The following MAGI2 variants were observed in gnomAD, a reference collection of about 807,000 sequenced individuals.
MAGI2 encodes membrane-associated guanylate kinase, WW and PDZ domain-containing protein 2.
A neutral mutation model predicts 133.3 loss-of-function variants in MAGI2; 35 were observed. That is an observed-to-expected ratio of 0.26 (90% confidence interval 0.20 to 0.35). The LOEUF (loss-of-function observed/expected upper bound fraction) is 0.35. Ranked by LOEUF, MAGI2 falls within the 10% of genes least tolerant of loss-of-function variation. The pLI, the probability that MAGI2 is intolerant of heterozygous loss-of-function variation, is 1.00. For synonymous variants in MAGI2, 729 were observed against 710.6 expected (o/e 1.03, Z -0.41); for missense variants, 1,636 against 1,863.4 (o/e 0.88, Z 2.25).
At chr7:78,668,393 T>A (rs1813901536) in intron 2 of MAGI2, among the ~76,000 whole-genome samples, 1 of 151,076 alleles carries the variant, frequency 6.6e-6, no homozygotes, top group South Asian at 2.1e-4. Flanking sequence ...AGCTCTTTAG[T>A]TTAATTAGAT....
chr7:78,553,242 C>T (rs1438337692), intron 3 of MAGI2, among the ~76,000 whole-genome samples: 1 of 152,120 alleles, frequency 6.6e-6, no homozygotes, highest in African/African-American at 2.4e-5. Flanking sequence ...ACTTTGACTA[C>T]ATAAGCATTT....
intron 21 of MAGI2, among the ~76,000 whole-genome samples, chr7:78,042,605 G>C (rs1810974755): frequency 1.3e-5 from 2 of 152,222 alleles, no homozygotes; most frequent in Non-Finnish European, 2.9e-5. Context: ...TTTCTTATTA[G>C]CAAAATGTGA....
At chr7:79,004,764 A>T (rs930930422) in intron 2 of MAGI2, among the ~76,000 whole-genome samples, 1 of 152,192 alleles carries the variant, frequency 6.6e-6, no homozygotes, top group Non-Finnish European at 1.5e-5. Flanking sequence ...AAAAAGATAC[A>T]GGAAGAAAAA....
chr7:78,836,054 T>C (rs140867246), intron 2 of MAGI2, among the ~76,000 whole-genome samples: 1 of 152,324 alleles, frequency 6.6e-6, no homozygotes, highest in East Asian at 1.9e-4. Flanking sequence ...GGTATTCCCG[T>C]AGAATTTTCT....
intron 2 of MAGI2, among the ~76,000 whole-genome samples, chr7:78,671,140 G>T (rs1473852163): frequency 1.3e-5 from 2 of 152,088 alleles, no homozygotes; most frequent in Non-Finnish European, 1.5e-5. Flanking sequence ...TACTTAATTT[G>T]CTTTCTGTTA....
At position 78,019,467 on chromosome 7, in the gene MAGI2, C is replaced by T. The variant is rs952272424; in HGVS notation, c.4216G>A (p.Ala1406Thr). 82 of 980,904 alleles carry T rather than the reference C, an allele frequency of 8.4e-5. No individual in the cohort carries two copies. In the African/African-American group the frequency reaches 1.3e-3, roughly 15 times the overall value. 60.8% of individuals were successfully genotyped at this position (980,904 alleles called of 1,614,324 possible). Reference sequence around the variant, plus strand: ...GGCCGGGGACCCGCGCGCGCACCCGCCCTGCCCTCGGCCTCCAGCGCGCCG... The same window carrying T: ...GGCCGGGGACCCGCGCGCGCACCCGTCCTGCCCTCGGCCTCCAGCGCGCCG... ...GSGALEAEGR[A>T]GARAGPRPGP... Residue 1406 changes from alanine (A) to threonine (T), a missense_variant, in exon 22 of 22, where the codon GCG becomes ACG. Around this residue, in one of 5 missense-constraint regions of MAGI2, gnomAD observed 354 missense variants for 298.7 expected, o/e 1.19. Transcript: ENST00000354212.
At chr7:78,255,424 T>A (rs1792867626) in intron 10 of MAGI2, 1 of 197,546 alleles carries the variant, frequency 5.1e-6, no homozygotes, top group South Asian at 1.0e-4. Flanking sequence ...TGAAAAGATT[T>A]TTCTACAGCA....
intron 16 of MAGI2, among the ~76,000 whole-genome samples, chr7:78,154,518 T>C (rs905911981): frequency 2.0e-5 from 3 of 152,190 alleles, no homozygotes; most frequent in East Asian, 1.9e-4. Flanking sequence ...ACTGTTTAGA[T>C]TGATGCTATG....
At chr7:79,249,972 C>T (rs1387294550) in intron 1 of MAGI2, among the ~76,000 whole-genome samples, 1 of 151,940 alleles carries the variant, frequency 6.6e-6, no homozygotes, top group Non-Finnish European at 1.5e-5. Context: ...CAGATTTATC[C>T]CTTGGAAGCA....
At chr7:79,136,028 GGAAAGAAAGAAA>G (rs761493818) in intron 1 of MAGI2, among the ~76,000 whole-genome samples, 2 of 51,664 alleles carry the variant, frequency 3.9e-5, no homozygotes, top group East Asian at 6.1e-4. Context: ...AAAGAAAGAA[GGAAAGAAAGAAA>G]GAAAGAAGGA....
At chr7:78,239,101 TTCCC>T (rs1790863018) in intron 10 of MAGI2, among the ~76,000 whole-genome samples, 1 of 152,122 alleles carries the variant, frequency 6.6e-6, no homozygotes, top group South Asian at 2.1e-4. Context: ...ACAGATGTCT[TTCCC>T]TGGCCACTCT....
At chr7:78,380,046 A>G (rs1267679465) in intron 6 of MAGI2, among the ~76,000 whole-genome samples, 1 of 151,928 alleles carries the variant, frequency 6.6e-6, no homozygotes, top group Non-Finnish European at 1.5e-5. Flanking sequence ...ACCAGAAGAA[A>G]TTTTATAATA....
chr7:79,417,762 A>AT (rs1846639237), intron 1 of MAGI2, among the ~76,000 whole-genome samples: 1 of 151,960 alleles, frequency 6.6e-6, no homozygotes, highest in African/African-American at 2.4e-5. Flanking sequence ...AAAAAAAAAA[A>AT]TAACTTACAG....
intron 1 of MAGI2, among the ~76,000 whole-genome samples, chr7:79,065,895 C>A (rs1814268032): frequency 6.6e-6 from 1 of 152,046 alleles, no homozygotes; most frequent in Non-Finnish European, 1.5e-5. Flanking sequence ...AGAACTCATC[C>A]TTTTTTATGG....
intron 1 of MAGI2, among the ~76,000 whole-genome samples, chr7:79,271,762 A>G (rs1284838130): frequency 6.6e-6 from 1 of 151,886 alleles, no homozygotes; most frequent in African/African-American, 2.4e-5. Flanking sequence ...TTGATGAGAA[A>G]CCAGATTTTA....
At chr7:79,339,466 T>C (rs913537652) in intron 1 of MAGI2, among the ~76,000 whole-genome samples, 24 of 143,888 alleles carry the variant, frequency 1.7e-4, no homozygotes, top group African/African-American at 5.8e-4. Flanking sequence ...TTGTTTTTGT[T>C]TTTTTTTTTT....
At chr7:78,830,224 C>T (rs1003950021) in intron 2 of MAGI2, among the ~76,000 whole-genome samples, 2 of 152,016 alleles carry the variant, frequency 1.3e-5, no homozygotes, top group Non-Finnish European at 2.9e-5. Flanking sequence ...TTACATTGGG[C>T]AACTAACTTC....
chr7:78,459,174 T>C (rs990429726), intron 6 of MAGI2, among the ~76,000 whole-genome samples: 22 of 152,230 alleles, frequency 1.4e-4, no homozygotes, highest in Non-Finnish European at 2.6e-4. Flanking sequence ...GTATACCAGA[T>C]TGATAATTAA....
chr7:78,859,981 C>A (rs965538907), intron 2 of MAGI2, among the ~76,000 whole-genome samples: 3 of 152,150 alleles, frequency 2.0e-5, no homozygotes, highest in Admixed American at 2.0e-4. Context: ...CTCTTCATTT[C>A]ATTCATTTGA....
Sources: allele counts gnomAD v4.1 joint callset (sites outside exome capture counted in the v4.1 genomes callset), GRCh38; gene constraint gnomAD v4.1.1; regional missense constraint gnomAD v4.1.1; transcripts MANE v1.5; gene names NCBI Gene and HGNC (gene_info 2026-07-23, HGNC 2026-07-21).